CDH4: variants seen among roughly 807,000 people sequenced by gnomAD.
The protein encoded by CDH4 is cadherin 4, also known as cadherin-4.
CDH4 carries 33 observed loss-of-function variants against 86.0 expected under a neutral mutation model. The ratio of observed to expected loss-of-function variants is 0.38; its 90% CI spans 0.29 to 0.51. CDH4 has a LOEUF of 0.51. Ranked by LOEUF, CDH4 falls within the 20% of genes least tolerant of loss-of-function variation. The pLI is 0.86. For synonymous variants in CDH4, 555 were observed against 549.4 expected (o/e 1.01, Z -0.14); for missense variants, 1,114 against 1,307.4 (o/e 0.85, Z 2.28).
intron 4 of CDH4, among the ~76,000 whole-genome samples, chr20:61,782,577 G>A (rs1046191166): frequency 6.6e-6 from 1 of 152,174 alleles, no homozygotes; most frequent in Non-Finnish European, 1.5e-5. Flanking sequence ...TTGTATTAGG[G>A]AGTTTATAAT....
rs560699179 is a variant in CDH4, at chr20:61,898,480, A to G, written c.1188+3433A>G. 5.3e-5 allele frequency among the ~76,000 whole-genome samples: 8 copies of G among 152,294 alleles called. No individual in the cohort carries two copies. The East Asian group carries it at 1.5e-3, about 29-fold the overall frequency. The stretch of plus-strand genomic sequence containing the variant: ...GACACAAGCTTCAGACCCTGCCCCA[A>G]AGCCTCCTATTAACACCGATGGGTC... On this transcript the variant is annotated intron_variant, in intron 8 of 15. Transcript: ENST00000614565.
At position 61,480,394 on chromosome 20, in the gene CDH4, G is replaced by A. The variant is rs1000433376; in HGVS notation, c.169+225457G>A. On this transcript the variant is annotated intron_variant, in intron 2 of 15. Coordinates refer to ENST00000614565, the MANE Select transcript of CDH4 (RefSeq NM_001794.5). This position sits in a 1 kb window ranked among gnomAD's most constrained non-coding sequence, Gnocchi z 5.2. ...TTTGGGTTTCCCGTTGTTCCAAGGTGGGTGGTGGATACACAGTCCCTGCCA... is the reference window on the plus strand; with the variant it reads ...TTTGGGTTTCCCGTTGTTCCAAGGTAGGTGGTGGATACACAGTCCCTGCCA... Among the ~76,000 whole-genome samples the A allele has an allele frequency of 1.3e-5, 2 of 152,198 alleles. No homozygotes were observed. The highest frequency in any genetic ancestry group is 1.3e-4 in the Admixed American group (2 of 15,290).
intron 3 of CDH4, among the ~76,000 whole-genome samples, chr20:61,756,940 T>G (rs1568798376): frequency 6.6e-6 from 1 of 152,206 alleles, no homozygotes; most frequent in Non-Finnish European, 1.5e-5. Flanking sequence ...AATGGTGGTT[T>G]GTTTTATCCT....
At chr20:61,543,225 C>T (rs2086053649) in intron 2 of CDH4, among the ~76,000 whole-genome samples, 1 of 152,224 alleles carries the variant, frequency 6.6e-6, no homozygotes, top group Non-Finnish European at 1.5e-5. Flanking sequence ...CACAGACACA[C>T]CCAGGAGCAG....
At chr20:61,605,522 C>G (rs900704912) in intron 2 of CDH4, among the ~76,000 whole-genome samples, 1 of 146,732 alleles carries the variant, frequency 6.8e-6, no homozygotes, top group Non-Finnish European at 1.5e-5. Context: ...TCTGTCTCTC[C>G]CTTTCTGTCT....
intron 2 of CDH4, among the ~76,000 whole-genome samples, chr20:61,710,051 G>T (rs1039596798): frequency 6.6e-6 from 1 of 152,130 alleles, no homozygotes; most frequent in Non-Finnish European, 1.5e-5. Flanking sequence ...GGGCGGCCAG[G>T]GTGGGCCTGG....
At position 61,849,108 on chromosome 20, in the gene CDH4, A is replaced by G. The variant is rs576411523; in HGVS notation, c.733-3646A>G. ...GATGCAGGGCCCAGAAGGGAGAAGAAGCTGCATCGTCTGCCAAATTCTGGA... is the reference window on the plus strand; with the variant it reads ...GATGCAGGGCCCAGAAGGGAGAAGAGGCTGCATCGTCTGCCAAATTCTGGA... On this transcript the variant is annotated intron_variant, in intron 5 of 15. Transcript: ENST00000614565. 3.9e-5 allele frequency among the ~76,000 whole-genome samples: 6 copies of G among 152,224 alleles called. No homozygotes were observed. The East Asian group carries it at 1.2e-3, about 29-fold the overall frequency.
At chr20:61,782,890 C>G (rs988857557) in intron 4 of CDH4, among the ~76,000 whole-genome samples, 2 of 152,176 alleles carry the variant, frequency 1.3e-5, no homozygotes, top group African/African-American at 4.8e-5. Flanking sequence ...TCAAGACCAG[C>G]CTGACCAACA....
At chr20:61,630,046 C>G (rs183466039) in intron 2 of CDH4, among the ~76,000 whole-genome samples, 1 of 152,142 alleles carries the variant, frequency 6.6e-6, no homozygotes, top group East Asian at 1.9e-4. Flanking sequence ...CTCCCTGACA[C>G]CCAGGGAGCC....
At chr20:61,648,703 C>T (rs2087091153) in intron 2 of CDH4, among the ~76,000 whole-genome samples, 1 of 152,124 alleles carries the variant, frequency 6.6e-6, no homozygotes, top group East Asian at 1.9e-4. Flanking sequence ...GAGGCGCGCT[C>T]CCAGGGTTCA....
intron 2 of CDH4, among the ~76,000 whole-genome samples, chr20:61,605,588 T>C (rs1026549814): frequency 6.6e-6 from 1 of 151,860 alleles, no homozygotes; most frequent in African/African-American, 2.4e-5. Context: ...TGCCTCCCTG[T>C]CTCTCCCTCT....
At chr20:61,935,669 T>A in intron 15 of CDH4, among the ~76,000 whole-genome samples, 1 of 152,138 alleles carries the variant, frequency 6.6e-6, no homozygotes, top group African/African-American at 2.4e-5. Flanking sequence ...GTGGATCACC[T>A]GAGGTCAGGA....
At chr20:61,870,344 G>A (rs1003579916) in intron 6 of CDH4, among the ~76,000 whole-genome samples, 3 of 152,236 alleles carry the variant, frequency 2.0e-5, no homozygotes, top group Non-Finnish European at 2.9e-5. Flanking sequence ...GGCGGTAGGG[G>A]CTGGGGCAGG....
intron 7 of CDH4, among the ~76,000 whole-genome samples, chr20:61,874,828 G>A (rs1482686913): frequency 5.9e-5 from 9 of 152,214 alleles, no homozygotes; most frequent in African/African-American, 2.2e-4. Flanking sequence ...CCCAGGAGCC[G>A]GTAGAGCCAC....
intron 11 of CDH4, among the ~76,000 whole-genome samples, chr20:61,925,094 G>T (rs1393104526): frequency 6.6e-6 from 1 of 152,104 alleles, no homozygotes; most frequent in Admixed American, 6.5e-5. Context: ...CGGTGGCAAG[G>T]TCCCGGGGCA....
chr20:61,491,949 G>C (rs1276844126), intron 2 of CDH4, among the ~76,000 whole-genome samples: 1 of 152,130 alleles, frequency 6.6e-6, no homozygotes, highest in Non-Finnish European at 1.5e-5. Context: ...TGGTGCTGAT[G>C]TTGGTGGTGC....
At chr20:61,604,916 A>G (rs894242957) in intron 2 of CDH4, among the ~76,000 whole-genome samples, 6 of 84,394 alleles carry the variant, frequency 7.1e-5, no homozygotes, top group Admixed American at 5.6e-4. Flanking sequence ...CTGGCCTGGA[A>G]GGACAGGTTC....
chr20:61,699,836 G>A (rs78351840), intron 2 of CDH4, among the ~76,000 whole-genome samples: 2,543 of 152,266 alleles, frequency 0.017, 71 homozygotes, highest in African/African-American at 0.058. Context: ...GTCGTGACCA[G>A]CCTGTAAGAA....
chr20:61,592,792 T>C (rs2086527532), intron 2 of CDH4, among the ~76,000 whole-genome samples: 1 of 152,210 alleles, frequency 6.6e-6, no homozygotes, highest in Non-Finnish European at 1.5e-5. Context: ...TCATTCGTAC[T>C]CACTTTGTTT....
Sources: allele counts gnomAD v4.1 joint callset (sites outside exome capture counted in the v4.1 genomes callset), GRCh38; gene constraint gnomAD v4.1.1; non-coding constraint Gnocchi (gnomAD v3.1); transcripts MANE v1.5; gene names NCBI Gene and HGNC (gene_info 2026-07-23, HGNC 2026-07-21).